LINGO2: variants seen among roughly 807,000 people sequenced by gnomAD.
LINGO2 encodes leucine-rich repeat and immunoglobulin-like domain-containing nogo receptor-interacting protein 2.
Under a neutral mutation model 30.6 loss-of-function variants are expected in LINGO2, and 14 were observed. The observed-to-expected ratio is 0.46, with a 90% CI of 0.30 to 0.72. LINGO2 has a LOEUF of 0.72. LINGO2 is among the 30% of genes least tolerant of loss of function. The pLI, the probability that LINGO2 is intolerant of heterozygous loss-of-function variation, is 0.07. For synonymous variants in LINGO2, 317 were observed against 288.5 expected, an observed-to-expected ratio of 1.10 and a Z score of -1.00; for missense variants, 729 against 751.7, an observed-to-expected ratio of 0.97 and a Z score of 0.35.
At chr9:29,010,423 C>A in the LINGO2 span, among the ~76,000 whole-genome samples, 1 of 152,056 alleles carries the variant, frequency 6.6e-6, no homozygotes, top group Non-Finnish European at 1.5e-5. Flanking sequence ...ATCTGGATGA[C>A]GCAGGTGGAT....
intron 4 of LINGO2, among the ~76,000 whole-genome samples, chr9:28,155,992 G>A (rs1828121577): frequency 6.6e-6 from 1 of 152,118 alleles, no homozygotes; most frequent in Non-Finnish European, 1.5e-5. Context: ...GAGACACTCA[G>A]CCTATGGTAT....
intron 1 of LINGO2, among the ~76,000 whole-genome samples, chr9:28,599,824 A>G (rs1227101224): frequency 6.6e-6 from 1 of 152,174 alleles, no homozygotes; most frequent in Non-Finnish European, 1.5e-5. Context: ...ATATTAAATA[A>G]AAATAATTTC....
intron 5 of LINGO2, among the ~76,000 whole-genome samples, chr9:27,984,790 T>G (rs1412274930): frequency 6.6e-6 from 1 of 151,850 alleles, no homozygotes; most frequent in Non-Finnish European, 1.5e-5. Flanking sequence ...CATCTGTTTC[T>G]AAAAAAATCT....
intron 5 of LINGO2, among the ~76,000 whole-genome samples, chr9:27,952,580 C>A (rs1010511125): frequency 6.6e-6 from 1 of 151,860 alleles, no homozygotes; most frequent in African/African-American, 2.4e-5. Flanking sequence ...ATGCTATTTA[C>A]ACAAAAATAA....
chr9:28,311,412 C>T (rs1419418739), intron 3 of LINGO2, among the ~76,000 whole-genome samples: 1 of 152,108 alleles, frequency 6.6e-6, no homozygotes, highest in Non-Finnish European at 1.5e-5. Flanking sequence ...GCGGGAATTT[C>T]CTCATCCTAA....
chr9:28,781,397 G>A, the LINGO2 span, among the ~76,000 whole-genome samples: 1 of 152,136 alleles, frequency 6.6e-6, no homozygotes, highest in East Asian at 1.9e-4. Flanking sequence ...ATTAAATTGT[G>A]GTGAAGAGGA....
the LINGO2 span, among the ~76,000 whole-genome samples, chr9:29,134,000 A>C: frequency 6.6e-6 from 1 of 152,192 alleles, no homozygotes; most frequent in Non-Finnish European, 1.5e-5. Context: ...GTAATAATAT[A>C]AGGCTCTATA....
intron 4 of LINGO2, among the ~76,000 whole-genome samples, chr9:28,230,772 G>T (rs1821328066): frequency 6.6e-6 from 1 of 151,782 alleles, no homozygotes; most frequent in East Asian, 1.9e-4. Flanking sequence ...ACTTATTTCT[G>T]TCTTCTTGCA....
chr9:29,188,840 C>CCCCACCTTCCTCCCAGACAGG, the LINGO2 span, among the ~76,000 whole-genome samples: 3 of 136,278 alleles, frequency 2.2e-5, no homozygotes, highest in East Asian at 2.3e-4. Flanking sequence ...CTGACCCCCC[C>CCCCACCTTCCTCCCAGACAGG]GCCACCTTCC....
chr9:28,535,480 A>G (rs971540053), intron 1 of LINGO2, among the ~76,000 whole-genome samples: 28 of 152,144 alleles, frequency 1.8e-4, no homozygotes, highest in African/African-American at 5.3e-4. Context: ...ATGCTAGGTA[A>G]AGGAAGCCTG....
chr9:28,178,789 C>T (rs1828818298), intron 4 of LINGO2, among the ~76,000 whole-genome samples: 1 of 152,122 alleles, frequency 6.6e-6, no homozygotes, highest in African/African-American at 2.4e-5. Flanking sequence ...TTATTGGCAG[C>T]TGGAAGATTT....
chr9:28,829,984 A>T, the LINGO2 span, among the ~76,000 whole-genome samples: 3 of 152,204 alleles, frequency 2.0e-5, no homozygotes, highest in African/African-American at 7.2e-5. Flanking sequence ...AGGAACATAC[A>T]TTCATAACCA....
chr9:28,694,837 C>A, the LINGO2 span, among the ~76,000 whole-genome samples: 1 of 151,860 alleles, frequency 6.6e-6, no homozygotes, highest in Non-Finnish European at 1.5e-5. Context: ...GAGCTGGATT[C>A]TTCTCTGTTA....
the LINGO2 span, among the ~76,000 whole-genome samples, chr9:28,853,265 T>C: frequency 6.6e-6 from 1 of 152,020 alleles, no homozygotes; most frequent in African/African-American, 2.4e-5. Context: ...TCCAGGTGTT[T>C]ATTAGTCATG....
chr9:29,017,777 T>A, the LINGO2 span, among the ~76,000 whole-genome samples: 5 of 152,036 alleles, frequency 3.3e-5, no homozygotes, highest in South Asian at 4.1e-4. Flanking sequence ...CACAGGGACC[T>A]GTGCAATCCT....
the LINGO2 span, among the ~76,000 whole-genome samples, chr9:28,933,708 G>A: frequency 1.3e-5 from 2 of 152,142 alleles, no homozygotes; most frequent in African/African-American, 4.8e-5. Context: ...CCACAAATTT[G>A]CCCAAGGCCA....
At chr9:28,836,657 TG>T in the LINGO2 span, among the ~76,000 whole-genome samples, 1 of 152,080 alleles carries the variant, frequency 6.6e-6, no homozygotes, top group Non-Finnish European at 1.5e-5. Flanking sequence ...ATTCAATATT[TG>T]TTTTAGTTTT....
chr9:28,279,760 A>G (rs939301248), intron 4 of LINGO2, among the ~76,000 whole-genome samples: 2 of 152,072 alleles, frequency 1.3e-5, no homozygotes, highest in African/African-American at 4.8e-5. Flanking sequence ...TTCTCCCAGG[A>G]GGTATGCCAG....
intron 1 of LINGO2, among the ~76,000 whole-genome samples, chr9:28,605,678 C>T (rs967837818): frequency 6.6e-6 from 1 of 152,052 alleles, no homozygotes; most frequent in Non-Finnish European, 1.5e-5. Context: ...GCTGTCTTCT[C>T]ATTACACAGA....
Sources: gnomAD v4.1 joint callset for allele counts (sites outside exome capture counted in the v4.1 genomes callset) on GRCh38, gnomAD v4.1.1 for gene constraint, MANE v1.5 for transcripts, NCBI Gene and HGNC (gene_info 2026-07-23, HGNC 2026-07-21) for gene names.